The following SMAD2 variants were observed in gnomAD, a reference collection of about 807,000 sequenced individuals.
SMAD2 encodes MAD homolog 2.
Under a neutral mutation model 64.4 loss-of-function variants are expected in SMAD2, and 8 were observed. That is an observed-to-expected ratio of 0.12 (90% CI 0.07 to 0.22). The LOEUF (loss-of-function observed/expected upper bound fraction) is 0.22. SMAD2 is among the 10% of genes least tolerant of loss of function. The pLI, the probability that SMAD2 is intolerant of heterozygous loss-of-function variation, is 1.00. For missense variants in SMAD2, 289 were observed against 561.2 expected (o/e 0.51, Z 4.90); for synonymous variants, 203 against 195.8 (o/e 1.04, Z -0.31).
chr18:47,871,280 A>G (rs2031917002), intron 2 of SMAD2, among the ~76,000 whole-genome samples: 1 of 152,184 alleles, frequency 6.6e-6, no homozygotes, highest in Non-Finnish European at 1.5e-5. Flanking sequence ...TTTGACAGCC[A>G]ATGTCTCAAG....
intron 2 of SMAD2, 145 bp downstream of exon 2, chr18:47,896,376 A>G: frequency 1.2e-6 from 1 of 806,062 alleles, no homozygotes; most frequent in Non-Finnish European, 2.0e-6. Flanking sequence ...CAAGTCAGCT[A>G]GCAAAAACAA....
chr18:47,918,113 G>A (rs2034407944), intron 1 of SMAD2, among the ~76,000 whole-genome samples: 1 of 152,216 alleles, frequency 6.6e-6, no homozygotes, highest in South Asian at 2.1e-4. Flanking sequence ...CTTGTTAAGA[G>A]CTTTGTAGAA....
chr18:47,903,362 G>T (rs1227219539), intron 1 of SMAD2, among the ~76,000 whole-genome samples: 1 of 150,270 alleles, frequency 6.7e-6, no homozygotes, highest in African/African-American at 2.4e-5. Context: ...CAGGACTAGA[G>T]AAAGAGGGGG....
chr18:47,898,176 C>T (rs1309361222), intron 1 of SMAD2, among the ~76,000 whole-genome samples: 1 of 152,196 alleles, frequency 6.6e-6, no homozygotes, highest in Non-Finnish European at 1.5e-5. Flanking sequence ...AAAATACCTA[C>T]TGCTGGAGAA....
In SMAD2 at chr18:47,814,412, A is replaced by C. The variant is rs1315482047; in HGVS notation, c.*27415T>G. 6.6e-6 allele frequency: 1 copy of C among 152,242 alleles called. No homozygotes were observed. The highest frequency in any genetic ancestry group is 1.5e-5 in the Non-Finnish European group (1 of 68,028). The allele number at this position is 152,242 out of a possible 1,614,324, so 9.4% of individuals were successfully genotyped here. A position where few individuals can be genotyped will look rare whatever the true frequency, so the allele number is the denominator to read the frequency against. On this transcript the variant is annotated 3_prime_UTR_variant, in exon 11 of 11. Coordinates refer to ENST00000262160, the MANE Select transcript of SMAD2 (RefSeq NM_005901.6). ...TCTACATGCTAAGAGCTCCATTCAC[A>C]TACTAAAAGCAAAGCTTGGACAACT...
intron 6 of SMAD2, among the ~76,000 whole-genome samples, chr18:47,860,574 T>C (rs1383501628): frequency 6.6e-6 from 1 of 152,150 alleles, no homozygotes; most frequent in African/African-American, 2.4e-5. Context: ...AGAACTACCA[T>C]GCCCAGCCCT....
intron 6 of SMAD2, among the ~76,000 whole-genome samples, chr18:47,857,677 G>A (rs1199708892): frequency 6.6e-6 from 1 of 152,190 alleles, no homozygotes; most frequent in African/African-American, 2.4e-5. Context: ...TTTCACTACT[G>A]ACAGCATCTG....
intron 2 of SMAD2, among the ~76,000 whole-genome samples, chr18:47,870,817 C>T (rs529679415): frequency 1.9e-3 from 282 of 152,270 alleles, no homozygotes; most frequent in Middle Eastern, 3.4e-3. Context: ...CGCCCTCTAG[C>T]TCAATGAATC....
intron 7 of SMAD2, among the ~76,000 whole-genome samples, chr18:47,850,933 A>T (rs2029995701): frequency 7.7e-6 from 1 of 130,240 alleles, no homozygotes; most frequent in South Asian, 2.4e-4. Context: ...CAATGTGTAT[A>T]TATGTAATAC....
In SMAD2 at chr18:47,841,687, G is replaced by A. The variant is rs1258675432; in HGVS notation, c.*140C>T. On this transcript the variant is annotated 3_prime_UTR_variant, in exon 11 of 11. Coordinates refer to ENST00000262160, the MANE Select transcript of SMAD2 (RefSeq NM_005901.6). ...AAATATAGGAAACAGATTCCACAAG[G>A]TGCTTTAATTGATGAGACCTCAAGT... 15 of 834,508 alleles carry A rather than the reference G, an allele frequency of 1.8e-5. No individual in the cohort carries two copies. In the Admixed American group the frequency reaches 3.0e-4, roughly 17 times the overall value. 51.7% of individuals were successfully genotyped at this position (834,508 alleles called of 1,614,324 possible). A position where few individuals can be genotyped will look rare whatever the true frequency, so the allele number is the denominator to read the frequency against.
rs531402506 is a variant in SMAD2, at chr18:47,821,892, C to G, written c.*19935G>C. The stretch of plus-strand genomic sequence containing the variant: ...TTTATAGTGACCTGTGATCCTGTTT[C>G]GAACTTTTGACATCTTTGACAGGCT... On this transcript the variant is annotated 3_prime_UTR_variant, in exon 11 of 11. Transcript: ENST00000262160. 1 of 152,022 alleles carries G rather than the reference C, an allele frequency of 6.6e-6. No individual in the cohort carries two copies. Among genetic ancestry groups the G allele is most frequent in the African/African-American group, 2.4e-5 (1 of 41,390 alleles). 9.4% of individuals were successfully genotyped at this position (152,022 alleles called of 1,614,324 possible).
At chr18:47,848,324 T>A (rs1197059502) in intron 8 of SMAD2, 151 bp downstream of exon 8, 2 of 678,884 alleles carry the variant, frequency 2.9e-6, no homozygotes, top group African/African-American at 1.8e-5. Context: ...TTAGAAGCAG[T>A]GAAGCCTGTG....
intron 2 of SMAD2, among the ~76,000 whole-genome samples, chr18:47,881,080 A>T (rs547440479): frequency 2.8e-5 from 3 of 106,566 alleles, no homozygotes; most frequent in South Asian, 7.5e-4. Context: ...CAAAAGCTGT[A>T]AAACAGAAAA....
chr18:47,828,859 C>T lies in SMAD2; in HGVS notation c.*12968G>A, dbSNP rs1001615400. ...CCTTGTTCACATGTTTATCTGCTGA[C>T]CTTCCCTCCACTATTGTCCTATGAC... On this transcript the variant is annotated 3_prime_UTR_variant, in exon 11 of 11. Coordinates refer to ENST00000262160, the MANE Select transcript of SMAD2 (RefSeq NM_005901.6). 1.3e-5 allele frequency: 2 copies of T among 157,088 alleles called. No individual in the cohort carries two copies. The highest frequency in any genetic ancestry group is 2.5e-5 in the African/African-American group (1 of 40,464). 9.7% of individuals were successfully genotyped at this position (157,088 alleles called of 1,614,324 possible). A position where few individuals can be genotyped will look rare whatever the true frequency, so the allele number is the denominator to read the frequency against.
chr18:47,849,251 A>C (rs1464715816), intron 7 of SMAD2, among the ~76,000 whole-genome samples: 1 of 152,200 alleles, frequency 6.6e-6, no homozygotes, highest in Non-Finnish European at 1.5e-5. Context: ...AGAAAGCAGT[A>C]ACACACAAAG....
At chr18:47,889,399 T>A (rs2033073111) in intron 2 of SMAD2, among the ~76,000 whole-genome samples, 3 of 151,748 alleles carry the variant, frequency 2.0e-5, no homozygotes, top group South Asian at 2.1e-4. Flanking sequence ...CATAAGAATG[T>A]CCTGGGTATG....
At chr18:47,900,235 A>C (rs1483128599) in intron 1 of SMAD2, among the ~76,000 whole-genome samples, 1 of 152,162 alleles carries the variant, frequency 6.6e-6, no homozygotes, top group Non-Finnish European at 1.5e-5. Flanking sequence ...TTTCATACTA[A>C]GTCTACAAAA....
intron 6 of SMAD2, chr18:47,853,557 A>T (rs1032044608): frequency 5.6e-6 from 1 of 179,338 alleles, no homozygotes; most frequent in Non-Finnish European, 1.1e-5. Context: ...AAGATAGGTC[A>T]GACCATCTTA....
At position 47,832,635 on chromosome 18, in the gene SMAD2, A is replaced by T. The variant is rs558208743; in HGVS notation, c.*9192T>A. The T allele has an allele frequency of 4.6e-5, 7 of 152,276 alleles. No individual in the cohort carries two copies. In the East Asian group the frequency reaches 1.3e-3, roughly 29 times the overall value. 9.4% of individuals were successfully genotyped at this position (152,276 alleles called of 1,614,324 possible). Reference sequence around the variant, plus strand: ...TGACCTAAATATTTCTCATTTTTAAAATTATTCATACTGATTATATGAGAT... The same window carrying T: ...TGACCTAAATATTTCTCATTTTTAATATTATTCATACTGATTATATGAGAT... On this transcript the variant is annotated 3_prime_UTR_variant, in exon 11 of 11. Coordinates refer to ENST00000262160, the MANE Select transcript of SMAD2 (RefSeq NM_005901.6).
Sources: gnomAD v4.1 joint callset for allele counts (sites outside exome capture counted in the v4.1 genomes callset) on GRCh38, gnomAD v4.1.1 for gene constraint, MANE v1.5 for transcripts, NCBI Gene and HGNC (gene_info 2026-07-23, HGNC 2026-07-21) for gene names.